Variants in NAV2 observed in about 807,000 individuals in gnomAD.
NAV2 encodes the protein helicase, APC down-regulated 1.
Under a neutral mutation model 223.2 loss-of-function variants are expected in NAV2, and 54 were observed. The ratio of observed to expected loss-of-function variants is 0.24; its 90% confidence interval spans 0.19 to 0.30. NAV2 has a LOEUF of 0.30. NAV2 is among the 10% of genes least tolerant of loss of function. The probability of loss-of-function intolerance (pLI) is 1.00; values close to 1 mark genes in which losing one functional copy is unlikely to be tolerated. For synonymous variants in NAV2, 1,279 were observed against 1,239.3 expected (o/e 1.03, Z -0.67); for missense variants, 2,806 against 3,147.5 (o/e 0.89, Z 2.60).
At chr11:19,554,460 A>G (rs998015823) in intron 1 of NAV2, among the ~76,000 whole-genome samples, 1 of 152,170 alleles carries the variant, frequency 6.6e-6, no homozygotes, top group African/African-American at 2.4e-5. Context: ...CTCCCCACTC[A>G]TGGGGTAGGC....
At position 19,690,588 on chromosome 11, in the gene NAV2, G is replaced by A. The variant is rs150493995; in HGVS notation, c.76-141896G>A. 6.8e-3 allele frequency among the ~76,000 whole-genome samples: 1,033 copies of A among 152,270 alleles called. 5 individuals carry two copies. Among genetic ancestry groups the A allele is most frequent in the Middle Eastern group, 0.01 (3 of 294 alleles). On this transcript the variant is annotated intron_variant, in intron 1 of 37. Coordinates refer to the NAV2 transcript ENST00000360655. ...GTTAATTAATTAAAATAAAGTTTGGGGGATCCAAAGGAGGCAGTGACAATG... is the reference window on the plus strand; with the variant it reads ...GTTAATTAATTAAAATAAAGTTTGGAGGATCCAAAGGAGGCAGTGACAATG...
At chr11:19,643,004 A>G (rs2047707754) in intron 1 of NAV2, among the ~76,000 whole-genome samples, 1 of 152,086 alleles carries the variant, frequency 6.6e-6, no homozygotes, top group Admixed American at 6.5e-5. Context: ...ATTTTCACTA[A>G]GGTATTCTGA....
intron 6 of NAV2, among the ~76,000 whole-genome samples, chr11:19,922,911 G>T (rs1013246293): frequency 6.6e-6 from 1 of 152,174 alleles, no homozygotes; most frequent in Non-Finnish European, 1.5e-5. Flanking sequence ...CCACGTCTCT[G>T]TAGTGAGTCA....
intron 1 of NAV2, among the ~76,000 whole-genome samples, chr11:19,599,033 A>G (rs7111874): frequency 0.015 from 2,280 of 152,314 alleles, 65 homozygotes; most frequent in African/African-American, 0.051. Flanking sequence ...ATGAAATGGC[A>G]GGGGCACTTC....
At chr11:20,113,323 G>A (rs10766627) in intron 36 of NAV2, among the ~76,000 whole-genome samples, 101,161 of 152,008 alleles carry the variant, frequency 0.67, 37,768 homozygotes, top group Non-Finnish European at 0.85. Context: ...GGTGTTAAAG[G>A]AGAAAAATAT....
chr11:19,350,458 G>T (rs1262615817), upstream of NAV2, among the ~76,000 whole-genome samples: 2 of 152,238 alleles, frequency 1.3e-5, no homozygotes, highest in Admixed American at 1.3e-4. Flanking sequence ...CATGAGGGGC[G>T]GCTTTCCGCG....
intron 1 of NAV2, among the ~76,000 whole-genome samples, chr11:19,789,987 C>G (rs1053867429): frequency 6.6e-6 from 1 of 152,166 alleles, no homozygotes; most frequent in Admixed American, 6.5e-5. Flanking sequence ...TGCTTTATGA[C>G]CATTTTTATG....
chr11:19,982,691 C>T (rs1379743802), intron 10 of NAV2, among the ~76,000 whole-genome samples: 1 of 152,128 alleles, frequency 6.6e-6, no homozygotes, highest in East Asian at 1.9e-4. Flanking sequence ...TTAGAAGCTT[C>T]CTGGGTTCCT....
chr11:20,115,815 AG>A (rs2063042359), intron 37 of NAV2, among the ~76,000 whole-genome samples: 1 of 152,106 alleles, frequency 6.6e-6, no homozygotes, highest in African/African-American at 2.4e-5. Flanking sequence ...CAGGAGGCTG[AG>A]GTGGGAGGAG....
chr11:19,738,211 G>A (rs1034413185), intron 1 of NAV2, among the ~76,000 whole-genome samples: 1 of 152,228 alleles, frequency 6.6e-6, no homozygotes, highest in Non-Finnish European at 1.5e-5. Context: ...AGTTCCCTCA[G>A]GGGGCCAGTG....
chr11:20,061,412 A>G (rs903420989), intron 19 of NAV2, among the ~76,000 whole-genome samples: 1 of 152,110 alleles, frequency 6.6e-6, no homozygotes, highest in Non-Finnish European at 1.5e-5. Context: ...TCTACTAAAA[A>G]TACAAAACTA....
At chr11:19,846,512 C>T (rs75711909) in intron 3 of NAV2, among the ~76,000 whole-genome samples, 2,471 of 152,300 alleles carry the variant, frequency 0.016, 76 homozygotes, top group African/African-American at 0.057. Flanking sequence ...TCATCAATTC[C>T]TGTGGACAGA....
intron 35 of NAV2, 195 bp from the exon 36 acceptor site, chr11:20,107,469 G>GTC: frequency 3.4e-6 from 2 of 595,030 alleles, no homozygotes; most frequent in Non-Finnish European, 6.0e-6. Context: ...AGACCCCCAG[G>GTC]TGGAATCAGG....
intron 1 of NAV2, among the ~76,000 whole-genome samples, chr11:19,822,155 G>A (rs2059416406): frequency 6.6e-6 from 1 of 152,172 alleles, no homozygotes; most frequent in Non-Finnish European, 1.5e-5. Context: ...CGTGTGTCAG[G>A]CATTGGTAGA....
chr11:19,964,328 G>T (rs1293948497), intron 10 of NAV2, among the ~76,000 whole-genome samples: 1 of 152,104 alleles, frequency 6.6e-6, no homozygotes, highest in East Asian at 1.9e-4. Context: ...ATGCCCTGTA[G>T]CCAGGCCCTC....
At chr11:19,706,721 T>C (rs1237217169) in intron 1 of NAV2, among the ~76,000 whole-genome samples, 1 of 152,270 alleles carries the variant, frequency 6.6e-6, no homozygotes, top group Non-Finnish European at 1.5e-5. Context: ...AACAATTTAT[T>C]CCTTGTATTA....
chr11:19,978,158 C>T (rs1344591760), intron 10 of NAV2, among the ~76,000 whole-genome samples: 1 of 151,838 alleles, frequency 6.6e-6, no homozygotes, highest in African/African-American at 2.4e-5. Context: ...ATGCAGGCAG[C>T]TTTGTTAGAC....
chr11:19,536,727 T>C (rs1175008204), intron 1 of NAV2, among the ~76,000 whole-genome samples: 1 of 152,230 alleles, frequency 6.6e-6, no homozygotes, highest in East Asian at 1.9e-4. Flanking sequence ...CTCTCCTCCC[T>C]GACCTGGAGT....
intron 7 of NAV2, among the ~76,000 whole-genome samples, chr11:19,935,560 G>A (rs10833199): frequency 0.16 from 24,990 of 152,068 alleles, 2,714 homozygotes; most frequent in East Asian, 0.36. Flanking sequence ...CTGTGTTCTA[G>A]TGGTCTCTGT....
Sources: allele counts gnomAD v4.1 joint callset (sites outside exome capture counted in the v4.1 genomes callset), GRCh38; gene constraint gnomAD v4.1.1; transcripts MANE v1.5; gene names NCBI Gene and HGNC (gene_info 2026-07-23, HGNC 2026-07-21).